TYW1B: variants seen among roughly 807,000 people sequenced by gnomAD.
TYW1B encodes the protein S-adenosyl-L-methionine-dependent tRNA 4-demethylwyosine synthase TYW1B.
In TYW1B, 73 loss-of-function variants were observed where a neutral mutation model predicts 86.9. The observed-to-expected ratio is 0.84, with a 90% CI of 0.70 to 1.02. TYW1B has a LOEUF of 1.02. Among genes scored for constraint, TYW1B ranks in the 50% least tolerant of loss-of-function variants. TYW1B has a pLI of 0.00. For missense variants in TYW1B, 637 were observed against 827.4 expected (o/e 0.77, Z 2.82); for synonymous variants, 248 against 292.8 (o/e 0.85, Z 1.56).
chr7:72,809,707 G>A (rs1788567018), intron 4 of TYW1B, among the ~76,000 whole-genome samples: 1 of 151,676 alleles, frequency 6.6e-6, no homozygotes, highest in Non-Finnish European at 1.5e-5. Flanking sequence ...CCTGCATAAA[G>A]AGCTTGGGCA....
chr7:72,799,044 T>C (rs1347087606), intron 6 of TYW1B, among the ~76,000 whole-genome samples: 3 of 152,114 alleles, frequency 2.0e-5, no homozygotes, highest in South Asian at 4.1e-4. Context: ...GGTTTCACCA[T>C]GTTGGTCAGG....
intron 13 of TYW1B, among the ~76,000 whole-genome samples, chr7:72,608,971 T>C (rs1811866076): frequency 6.6e-6 from 1 of 152,174 alleles, no homozygotes; most frequent in South Asian, 2.1e-4. Context: ...TGTGAGTGCA[T>C]TTAAAATTGG....
At position 72,759,087 on chromosome 7, in the gene TYW1B, G is replaced by A. The variant is rs190705235; in HGVS notation, c.965-14486C>T. On this transcript the variant is annotated intron_variant, in intron 7 of 13. Transcript: ENST00000620995. ...AGCTTATGCCTGTAATCCCAGCACC[G>A]TGCGAGGCCGAGGCAGGCAGATGAC... Among the ~76,000 whole-genome samples, 41 of 152,248 alleles carry A rather than the reference G, an allele frequency of 2.7e-4. No homozygotes were observed. The East Asian group carries it at 2.9e-3, about 11-fold the overall frequency.
At chr7:72,588,814 C>A (rs1811332814) in intron 13 of TYW1B, among the ~76,000 whole-genome samples, 1 of 150,880 alleles carries the variant, frequency 6.6e-6, no homozygotes, top group South Asian at 2.1e-4. Flanking sequence ...ACAAGACTTG[C>A]ACTTTTTTTT....
intron 8 of TYW1B, among the ~76,000 whole-genome samples, chr7:72,739,171 C>T (rs1346047701): frequency 6.6e-6 from 1 of 151,974 alleles, no homozygotes; most frequent in Non-Finnish European, 1.5e-5. Flanking sequence ...ACAGATAAAA[C>T]AATATGATGG....
At chr7:72,694,612 C>T (rs1814264442) in intron 11 of TYW1B, 75 bp downstream of exon 11, 7 of 1,375,332 alleles carry the variant, frequency 5.1e-6, no homozygotes, top group Non-Finnish European at 5.7e-6. Context: ...TTCTTTTCTT[C>T]CATCTTTCTT....
chr7:72,645,694 A>T (rs1812912023), intron 11 of TYW1B, among the ~76,000 whole-genome samples: 1 of 152,160 alleles, frequency 6.6e-6, no homozygotes, highest in Non-Finnish European at 1.5e-5. Flanking sequence ...AATTGTTAGG[A>T]TTCCACAACG....
chr7:72,652,077 G>A (rs1165750333), intron 11 of TYW1B, among the ~76,000 whole-genome samples: 11 of 151,962 alleles, frequency 7.2e-5, no homozygotes, highest in Admixed American at 2.0e-4. Context: ...CACCTCTGGC[G>A]CAACTTAAAA....
At chr7:72,655,662 CAT>C (rs1401311467) in intron 11 of TYW1B, among the ~76,000 whole-genome samples, 1 of 152,196 alleles carries the variant, frequency 6.6e-6, no homozygotes, top group African/African-American at 2.4e-5. Flanking sequence ...AGAGCCAAAA[CAT>C]GTGTTCTCCA....
chr7:72,710,766 C>T (rs1293836113), intron 10 of TYW1B, among the ~76,000 whole-genome samples: 2 of 152,054 alleles, frequency 1.3e-5, no homozygotes, highest in South Asian at 4.2e-4. Flanking sequence ...CAAGATTGTG[C>T]CACTGCACTC....
At chr7:72,794,785 G>A (rs1554474222) in intron 6 of TYW1B, among the ~76,000 whole-genome samples, 7 of 151,468 alleles carry the variant, frequency 4.6e-5, no homozygotes, top group African/African-American at 1.7e-4. Flanking sequence ...AGACCTCTAT[G>A]ACAGCAGTGA....
chr7:72,650,015 G>C (rs1189232714), intron 11 of TYW1B, among the ~76,000 whole-genome samples: 6 of 151,196 alleles, frequency 4.0e-5, no homozygotes, highest in African/African-American at 1.5e-4. Context: ...TCAGCCTCAT[G>C]AGTAGCTGGG....
intron 13 of TYW1B, among the ~76,000 whole-genome samples, chr7:72,615,300 T>C (rs1452711690): frequency 1.3e-5 from 2 of 152,236 alleles, no homozygotes; most frequent in African/African-American, 4.8e-5. Flanking sequence ...ATACTGCCAA[T>C]GGTTTTGAAA....
chr7:72,778,202 T>A (rs782450574), intron 6 of TYW1B, among the ~76,000 whole-genome samples: 3 of 152,158 alleles, frequency 2.0e-5, no homozygotes, highest in Admixed American at 6.6e-5. Flanking sequence ...GAATTTCAAT[T>A]TCCTCACCTG....
chr7:72,815,618 C>T (rs1361837865), intron 2 of TYW1B, 137 bp from the exon 3 acceptor site: 9 of 694,536 alleles, frequency 1.3e-5, no homozygotes, highest in South Asian at 3.7e-5. Context: ...AAATTCTATC[C>T]GCACTCTTAC....
chr7:72,695,833 C>T (rs1346319827), intron 10 of TYW1B, among the ~76,000 whole-genome samples: 9 of 152,040 alleles, frequency 5.9e-5, no homozygotes, highest in Non-Finnish European at 1.0e-4. Context: ...TGGGCTCAAG[C>T]GATCCACCCA....
chr7:72,725,583 G>A (rs1157140713), intron 9 of TYW1B, among the ~76,000 whole-genome samples: 1 of 152,110 alleles, frequency 6.6e-6, no homozygotes, highest in African/African-American at 2.4e-5. Flanking sequence ...AGGTGTTTTG[G>A]ATGAGATTAA....
chr7:72,802,517 T>C lies in TYW1B; in HGVS notation c.729A>G (p.Glu243=), dbSNP rs1185306109. 3.1e-6 allele frequency: 5 copies of C among 1,613,656 alleles called. No homozygotes were observed. In the African/African-American group the frequency reaches 6.7e-5, roughly 22 times the overall value. Residue 243 remains glutamate (E), a synonymous_variant, in exon 6 of 14, where the codon GAA becomes GAG. Transcript: ENST00000620995. ...CTTCACTGGAGCTCTCGAAGGGTTC[T>C]TCCTCCTGGAAGAGAAATGCTTCAG... ...DELHHRDTKE[E]EPFESSSEEE...
chr7:72,748,223 G>A (rs1478308963), intron 7 of TYW1B, among the ~76,000 whole-genome samples: 1 of 148,362 alleles, frequency 6.7e-6, no homozygotes, highest in African/African-American at 2.5e-5. Flanking sequence ...GAGCCGAGAT[G>A]GCGCCACTGC....
Sources: allele counts gnomAD v4.1 joint callset (sites outside exome capture counted in the v4.1 genomes callset), GRCh38; gene constraint gnomAD v4.1.1; transcripts MANE v1.5; gene names NCBI Gene and HGNC (gene_info 2026-07-23, HGNC 2026-07-21).